Variants in SDAD1 observed in about 807,000 individuals in gnomAD.
The protein encoded by SDAD1 is SDA1 domain containing 1.
A neutral mutation model predicts 100.3 loss-of-function variants in SDAD1; 79 were observed. The observed-to-expected ratio is 0.79, with a 90% CI of 0.66 to 0.95. The LOEUF (loss-of-function observed/expected upper bound fraction) is 0.95, where lower values mean the gene tolerates loss of function less well. SDAD1 is among the 40% of genes least tolerant of loss of function. SDAD1 has a pLI of 0.00. For synonymous variants in SDAD1, 267 were observed against 271.4 expected (o/e 0.98, Z 0.16); for missense variants, 790 against 810.9 (o/e 0.97, Z 0.31).
At chr4:75,955,344 A>AC (rs11374736) in intron 21 of SDAD1, among the ~76,000 whole-genome samples, 2,574 of 152,008 alleles carry the variant, frequency 0.017, 64 homozygotes, top group Middle Eastern at 0.061. Context: ...GAAGGCGGTG[A>AC]CCCCCCTGGA....
chr4:75,961,004 C>T (rs774648563), intron 16 of SDAD1, 24 bp downstream of exon 16: 2 of 1,602,074 alleles, frequency 1.2e-6, no homozygotes, highest in Non-Finnish European at 1.7e-6. Context: ...AACCTTTAGA[C>T]CAACATAAGT....
chr4:75,955,800 A>G (rs1578112085), intron 21 of SDAD1, among the ~76,000 whole-genome samples, 175 bp downstream of exon 21: 1 of 152,180 alleles, frequency 6.6e-6, no homozygotes, highest in Admixed American at 6.5e-5. Flanking sequence ...TCACCTCTCC[A>G]TGCTCTCCAG....
rs146687058 is a variant in SDAD1 at position 75,963,298 on chromosome 4, T to C, written c.1181+837A>G. ...CATGCTGTTTTGGTTACTGTAGCCT[T>C]GTAGTATAGTTTGAAGTCAGGTAGC... is the stretch of plus-strand genomic sequence containing the variant. On this transcript the variant is annotated intron_variant, in intron 14 of 21. Transcript: ENST00000356260. Among the ~76,000 whole-genome samples, 646 of 134,018 alleles carry C rather than the reference T, an allele frequency of 4.8e-3. 32 individuals are homozygous for C. In the Admixed American group the frequency reaches 0.049, roughly 10 times the overall value. The allele number at this position is 134,018 out of a possible 152,430, so 87.9% of individuals were successfully genotyped here. A position where few individuals can be genotyped will look rare whatever the true frequency, so the allele number is the denominator to read the frequency against.
At position 75,957,608 on chromosome 4, in the gene SDAD1, C is replaced by A; in HGVS notation, c.1679G>T (p.Arg560Leu). The change falls in exon 19 of 22, where the codon CGC (arginine) becomes CTC (leucine). Residue 560 changes from arginine to leucine, a missense_variant. By Grantham distance (102) the Arg-to-Leu change is moderately radical (BLOSUM62 -2). Transcript: ENST00000356260. ...VLTQEDFQKI[R>L]MAQMRKELDA... Reference sequence around the variant, plus strand: ...AAGTTCTTTTCTCATTTGGGCCATGCGGATTTTCTGGAAGTCTTCCTGAGT... The same window carrying A: ...AAGTTCTTTTCTCATTTGGGCCATGAGGATTTTCTGGAAGTCTTCCTGAGT... The A allele has an allele frequency of 1.2e-6, 2 of 1,614,154 alleles. No individual in the cohort carries two copies. Among genetic ancestry groups the A allele is most frequent in the South Asian group, 2.2e-5 (2 of 91,074 alleles).
At chr4:75,980,102 C>T (rs1016582873) in intron 3 of SDAD1, among the ~76,000 whole-genome samples, 1 of 152,158 alleles carries the variant, frequency 6.6e-6, no homozygotes, top group African/African-American at 2.4e-5. Context: ...AGTCTCTATA[C>T]TCAAAATATC....
Position 75,973,373 on chromosome 4 carries a change from T to A in SDAD1, c.655A>T (p.Thr219Ser). ...TCTTCATCTTTCCCAAGAAAGAATG[T>A]CAAAGCGGCAACTAATATCTAAACA... is the stretch of plus-strand genomic sequence containing the variant. ...KVTKILVAAL[T>S]FFLGKDEDEK... is the part of the protein sequence containing the mutation. Residue 219 changes from threonine (T) to serine (S), a missense_variant, in exon 8 of 22, where the codon ACA (threonine) becomes TCA (serine). Physicochemically the swap from Thr to Ser is moderately conservative, Grantham distance 58. Transcript: ENST00000356260. The A allele has an allele frequency of 1.2e-6, 2 of 1,613,524 alleles. 1 individual carries two copies. Among genetic ancestry groups the A allele is most frequent in the South Asian group, 2.2e-5 (2 of 91,066 alleles).
At chr4:75,987,570 C>T (rs1232812609) in intron 1 of SDAD1, among the ~76,000 whole-genome samples, 3 of 152,026 alleles carry the variant, frequency 2.0e-5, no homozygotes, top group South Asian at 2.1e-4. Flanking sequence ...GGCGCGATCT[C>T]GGCTCACTGC....
Position 75,982,039 on chromosome 4 carries a change from T to C in SDAD1, c.91-2A>G. ...GTAGTGATTATACTGCTGTAGAAAC[T>C]GCAGAAAAATAAAATTTAAGTTTGT... On this transcript the variant is annotated splice_acceptor_variant, in intron 1 of 21. Coordinates refer to ENST00000356260, the MANE Select transcript of SDAD1 (RefSeq NM_018115.4). LOFTEE classifies it high-confidence loss of function. 6.3e-7 allele frequency: 1 copy of C among 1,575,920 alleles called. No homozygotes were observed. Among genetic ancestry groups the C allele is most frequent in the Admixed American group, 1.8e-5 (1 of 56,346 alleles).
chr4:75,985,159 G>T (rs1294185910), intron 1 of SDAD1, among the ~76,000 whole-genome samples: 2 of 151,892 alleles, frequency 1.3e-5, no homozygotes, highest in Admixed American at 1.3e-4. Context: ...AGATGATCAG[G>T]ACTAATCTCA....
At position 75,972,402 on chromosome 4, in the gene SDAD1, CA is replaced by C. The variant is rs112522370; in HGVS notation, c.711+914del. Among the ~76,000 whole-genome samples the C allele has an allele frequency of 7.2e-3, 881 of 121,970 alleles. 4 individuals are homozygous for C. Among genetic ancestry groups the C allele is most frequent in the African/African-American group, 0.017 (569 of 33,014 alleles). The allele number at this position is 121,970 out of a possible 152,430, so 80.0% of individuals were successfully genotyped here. ...TACTCACAGTGAAGGTCCGCGGCTCCAAAAAAAAAAAAAACACACAAACAAA... is the reference window on the plus strand; with the variant it reads ...TACTCACAGTGAAGGTCCGCGGCTCCAAAAAAAAAAAAACACACAAACAAA... On this transcript the variant is annotated intron_variant, in intron 8 of 21. Transcript: ENST00000356260.
chr4:75,990,128 G>A (rs997069563), intron 1 of SDAD1, among the ~76,000 whole-genome samples: 3 of 152,186 alleles, frequency 2.0e-5, no homozygotes, highest in Non-Finnish European at 2.9e-5. Context: ...AGTACACAAA[G>A]CCCATCACAA....
At chr4:75,981,859 T>C (rs1730541579) in intron 2 of SDAD1, 74 bp downstream of exon 2, 1 of 1,051,292 alleles carries the variant, frequency 9.5e-7, no homozygotes, top group South Asian at 1.5e-5. Flanking sequence ...TGGAATAAGG[T>C]TGAGTATTAG....
At chr4:75,974,332 C>T (rs909212153) in intron 6 of SDAD1, among the ~76,000 whole-genome samples, 199 bp from the exon 7 acceptor site, 6 of 148,932 alleles carry the variant, frequency 4.0e-5, no homozygotes, top group African/African-American at 9.9e-5. Flanking sequence ...CCCAGACTTA[C>T]GACAAAATTT....
chr4:75,952,959 A>C (rs1395915170), intron 21 of SDAD1, among the ~76,000 whole-genome samples: 2 of 152,176 alleles, frequency 1.3e-5, no homozygotes, highest in African/African-American at 4.8e-5. Context: ...TTTAAGTGAT[A>C]TATGTGGTTC....
At chr4:75,960,775 AT>A (rs1007749563) in intron 16 of SDAD1, among the ~76,000 whole-genome samples, 3 of 152,216 alleles carry the variant, frequency 2.0e-5, no homozygotes, top group Admixed American at 2.0e-4. Context: ...CGATCTGTTA[AT>A]AACATTAAAA....
At chr4:75,955,058 G>A (rs1204917182) in intron 21 of SDAD1, among the ~76,000 whole-genome samples, 1 of 152,148 alleles carries the variant, frequency 6.6e-6, no homozygotes, top group Non-Finnish European at 1.5e-5. Flanking sequence ...TGTTACTGCT[G>A]ATTAATATCT....
intron 20 of SDAD1, among the ~76,000 whole-genome samples, chr4:75,957,097 G>A (rs942884423): frequency 6.6e-6 from 1 of 151,894 alleles, no homozygotes; most frequent in African/African-American, 2.4e-5. Context: ...GTGACAGAGA[G>A]AGACTGTCGC....
rs760688855 is a variant in SDAD1 at position 75,961,320 on chromosome 4, AAAAC to A, written c.1182-16_1182-13del. 1.7e-5 allele frequency: 27 copies of A among 1,601,256 alleles called. No individual in the cohort carries two copies. Among genetic ancestry groups the A allele is most frequent in the Non-Finnish European group, 2.1e-5 (25 of 1,171,058 alleles). On this transcript the variant is annotated splice_polypyrimidine_tract_variant and intron_variant, in intron 14 of 21. Transcript: ENST00000356260. ...TTATAGCATTGATTCTAGAAAAAGA[AAAAC>A]AAAGTTTAAAAGAGCCCGAATAGCA...
intron 21 of SDAD1, among the ~76,000 whole-genome samples, chr4:75,954,306 C>G (rs553236801): frequency 6.6e-6 from 1 of 150,980 alleles, no homozygotes; most frequent in Admixed American, 6.6e-5. Context: ...GCCGTGAACC[C>G]GGGAGGCAGA....
Sources: allele counts gnomAD v4.1 joint callset (sites outside exome capture counted in the v4.1 genomes callset), GRCh38; gene constraint gnomAD v4.1.1; transcripts MANE v1.5; gene names NCBI Gene and HGNC (gene_info 2026-07-23, HGNC 2026-07-21).